Variants in DYNC1H1 observed in about 807,000 individuals in gnomAD.
The protein encoded by DYNC1H1 is cytoplasmic dynein 1 heavy chain 1.
In DYNC1H1, 51 loss-of-function variants were observed where a neutral mutation model predicts 527.1. That is an observed-to-expected ratio of 0.10 (90% CI 0.08 to 0.12). The LOEUF is 0.12. DYNC1H1 is among the 10% of genes least tolerant of loss of function. DYNC1H1 has a pLI of 1.00. For synonymous variants in DYNC1H1, 2,189 were observed against 2,278.8 expected (o/e 0.96, Z 1.12); for missense variants, 2,771 against 5,971.8 (o/e 0.46, Z 17.66).
At chr14:101,984,344 C>G (rs1392883619) in intron 7 of DYNC1H1, among the ~76,000 whole-genome samples, 1 of 141,116 alleles carries the variant, frequency 7.1e-6, no homozygotes, top group African/African-American at 2.7e-5. Context: ...TTTCTGTTGT[C>G]TTTAAGATCT....
Position 102,011,414 on chromosome 14 carries a change from C to T in DYNC1H1, c.6619-461C>T. ...ATGCTGTACGGGATTGAACACATAG[C>T]TCATCCATTGGGTCTCTTGTTGTCC... On this transcript the variant is annotated intron_variant, in intron 32 of 77. Transcript: ENST00000360184. The surrounding 1 kb of genome is among the most constrained non-coding windows in gnomAD (Gnocchi z 5.3). The T allele has an allele frequency of 5.8e-6, 2 of 344,284 alleles. No individual in the cohort carries two copies. The highest frequency in any genetic ancestry group is 4.7e-5 in the South Asian group (2 of 42,388). The allele number at this position is 344,284 out of a possible 1,614,324, so 21.3% of individuals were successfully genotyped here. A position where few individuals can be genotyped will look rare whatever the true frequency, so the allele number is the denominator to read the frequency against.
rs2048530285 is a variant in DYNC1H1 at position 102,033,208 on chromosome 14, G to A, written c.10197+26G>A. On this transcript the variant is annotated intron_variant, in intron 53 of 77. Transcript: ENST00000360184. This position sits in a 1 kb window ranked among gnomAD's most constrained non-coding sequence, Gnocchi z 5.6. Reference sequence around the variant, plus strand: ...GTGATTAACACAGCCAGGAGCTCCCGTGTGAAAGGTGACCTCTTTTCCTGT... The same window carrying A: ...GTGATTAACACAGCCAGGAGCTCCCATGTGAAAGGTGACCTCTTTTCCTGT... 1.9e-6 allele frequency: 3 copies of A among 1,614,126 alleles called. No homozygotes were observed. Among genetic ancestry groups the A allele is most frequent in the African/African-American group, 1.3e-5 (1 of 75,042 alleles).
intron 52 of DYNC1H1, 36 bp downstream of exon 52, chr14:102,032,503 T>C: frequency 6.2e-7 from 1 of 1,613,448 alleles, no homozygotes; most frequent in Non-Finnish European, 8.5e-7. Flanking sequence ...TTGCCAGAAA[T>C]TGAAATCAGT....
At chr14:101,999,082 A>C (rs1023698017) in intron 16 of DYNC1H1, among the ~76,000 whole-genome samples, 5 of 151,830 alleles carry the variant, frequency 3.3e-5, no homozygotes, top group East Asian at 3.9e-4. Context: ...CGGGGTTTCA[A>C]TGTGTTAGCC....
In DYNC1H1 at chr14:102,010,736, G is replaced by A. The variant is rs374602014; in HGVS notation, c.6406-4G>A. On this transcript the variant is annotated splice_polypyrimidine_tract_variant and splice_region_variant and intron_variant, in intron 31 of 77. Transcript: ENST00000360184. The surrounding 1 kb of genome is among the most constrained non-coding windows in gnomAD (Gnocchi z 6.0). Reference sequence around the variant, plus strand: ...CTGCTCACAGCCCAGCCCTCTCCCCGTAGATTCTGATACAGAGCGTCTGTG... The same window carrying A: ...CTGCTCACAGCCCAGCCCTCTCCCCATAGATTCTGATACAGAGCGTCTGTG... 8.7e-6 allele frequency: 14 copies of A among 1,612,396 alleles called. 1 individual carries two copies. Among genetic ancestry groups the A allele is most frequent in the South Asian group, 5.5e-5 (5 of 91,006 alleles).
rs1183216136 is a variant in DYNC1H1 at position 102,005,815 on chromosome 14, A to G, written c.5434-73A>G. On this transcript the variant is annotated intron_variant, in intron 26 of 77. Transcript: ENST00000360184. The surrounding 1 kb of genome is among the most constrained non-coding windows in gnomAD (Gnocchi z 4.0). Reference sequence around the variant, plus strand: ...CCTAGAACCTCAATTTCAGTTTAACAGTCCACAAACCCGGAGAATGCACTG... The same window carrying G: ...CCTAGAACCTCAATTTCAGTTTAACGGTCCACAAACCCGGAGAATGCACTG... The G allele has an allele frequency of 6.3e-7, 1 of 1,587,298 alleles. No homozygotes were observed. The highest frequency in any genetic ancestry group is 1.3e-5 in the African/African-American group (1 of 74,380).
rs758856538 is a variant in DYNC1H1, at chr14:102,041,525, T to C, written c.11942-49T>C. On this transcript the variant is annotated intron_variant, in intron 64 of 77. Transcript: ENST00000360184. This position sits in a 1 kb window ranked among gnomAD's most constrained non-coding sequence, Gnocchi z 4.5. ...AACAGTCCAGGCAGGGGAGGGCGTC[T>C]CTGAGTCCATGCTTCCACCCAGCAC... 1 of 1,612,466 alleles carries C rather than the reference T, an allele frequency of 6.2e-7. No individual in the cohort carries two copies. Among genetic ancestry groups the C allele is most frequent in the Non-Finnish European group, 8.5e-7 (1 of 1,179,888 alleles).
rs1191632999 is a variant in DYNC1H1 at position 101,986,813 on chromosome 14, T to C, written c.2538+50T>C. 7.5e-6 allele frequency: 12 copies of C among 1,600,888 alleles called. No homozygotes were observed. Among genetic ancestry groups the C allele is most frequent in the East Asian group, 2.2e-5 (1 of 44,816 alleles). On this transcript the variant is annotated intron_variant, in intron 8 of 77. Coordinates refer to ENST00000360184, the MANE Select transcript of DYNC1H1 (RefSeq NM_001376.5). This position sits in a 1 kb window ranked among gnomAD's most constrained non-coding sequence, Gnocchi z 8.7. ...TGTCCTGGTAACGAATGAAGCACAG[T>C]AATAGCGAGCTCAGTTAAAACACTA...
chr14:102,021,345 C>A (rs12881617), intron 42 of DYNC1H1, among the ~76,000 whole-genome samples: 22,574 of 152,160 alleles, frequency 0.15, 1,899 homozygotes, highest in East Asian at 0.24. Context: ...CCACTGCATT[C>A]CAGCCTGAGT....
chr14:102,008,145 T>C lies in DYNC1H1; in HGVS notation c.5818-33T>C, dbSNP rs764810716. The C allele has an allele frequency of 1.9e-6, 3 of 1,612,294 alleles. No homozygotes were observed. The South Asian group carries it at 3.3e-5, about 18-fold the overall frequency. On this transcript the variant is annotated intron_variant, in intron 28 of 77. Coordinates refer to ENST00000360184, the MANE Select transcript of DYNC1H1 (RefSeq NM_001376.5). ...GGGAGACAATTGAGGGCACAGCAGG[T>C]GGTTTTAGCGCCTTTCTTCCTCTCC...
chr14:102,034,302 A>T (rs764284570), intron 55 of DYNC1H1, 23 bp from the exon 56 acceptor site: 4 of 1,614,214 alleles, frequency 2.5e-6, no homozygotes, highest in Non-Finnish European at 3.4e-6. Flanking sequence ...AAGAGGAGGA[A>T]AGGTAACGGC....
intron 23 of DYNC1H1, among the ~76,000 whole-genome samples, 162 bp downstream of exon 23, chr14:102,003,127 T>C (rs1248392868): frequency 6.6e-6 from 1 of 152,224 alleles, no homozygotes; most frequent in African/African-American, 2.4e-5. Context: ...TTCCCTGTCA[T>C]GCAGTGATTA....
rs964307126 is a variant in DYNC1H1, at chr14:102,032,761, G to A, written c.10079+294G>A. 7 of 566,454 alleles carry A rather than the reference G, an allele frequency of 1.2e-5. No individual in the cohort carries two copies. The East Asian group carries it at 1.9e-4, about 15-fold the overall frequency. 35.1% of individuals were successfully genotyped at this position (566,454 alleles called of 1,614,324 possible). ...CTAGCTACTTGGGAGGCTGAGGTGG[G>A]AGGATTGCCTGAACCCAGGGGATCA... On this transcript the variant is annotated intron_variant, in intron 52 of 77. Coordinates refer to ENST00000360184, the MANE Select transcript of DYNC1H1 (RefSeq NM_001376.5).
rs2048530438 is a variant in DYNC1H1, at chr14:102,033,219, G to C, written c.10197+37G>C. 3 of 1,614,046 alleles carry C rather than the reference G, an allele frequency of 1.9e-6. No individual in the cohort carries two copies. The African/African-American group carries it at 4.0e-5, about 22-fold the overall frequency. ...AGCCAGGAGCTCCCGTGTGAAAGGTGACCTCTTTTCCTGTCACTTAAATAA... is the reference window on the plus strand; with the variant it reads ...AGCCAGGAGCTCCCGTGTGAAAGGTCACCTCTTTTCCTGTCACTTAAATAA... On this transcript the variant is annotated intron_variant, in intron 53 of 77. Transcript: ENST00000360184. This position sits in a 1 kb window ranked among gnomAD's most constrained non-coding sequence, Gnocchi z 5.6.
rs1482822972 is a variant in DYNC1H1 at position 101,989,429 on chromosome 14, G to A, written c.2868+577G>A. ...CTGTGCCTCCCGAGCCATCTCTTTC[G>A]CATTTGTGTGGAGCTTAGCAAGCTT... is the stretch of plus-strand genomic sequence containing the variant. On this transcript the variant is annotated intron_variant, in intron 10 of 77. Transcript: ENST00000360184. 4.6e-5 allele frequency among the ~76,000 whole-genome samples: 7 copies of A among 152,188 alleles called. No homozygotes were observed. In the East Asian group the frequency reaches 9.6e-4, roughly 21 times the overall value.
At chr14:101,998,952 G>T (rs908944987) in intron 16 of DYNC1H1, among the ~76,000 whole-genome samples, 1 of 135,160 alleles carries the variant, frequency 7.4e-6, no homozygotes, top group East Asian at 2.3e-4. Flanking sequence ...CGCAATCTCC[G>T]CTCACTGCAA....
intron 9 of DYNC1H1, among the ~76,000 whole-genome samples, chr14:101,988,324 G>A (rs1044458837): frequency 3.3e-5 from 5 of 152,106 alleles, no homozygotes; most frequent in Non-Finnish European, 7.4e-5. Context: ...GCCCCCACCC[G>A]TATCCCCGTA....
intron 28 of DYNC1H1, 100 bp from the exon 29 acceptor site, chr14:102,008,078 T>C (rs900592962): frequency 1.7e-5 from 26 of 1,553,212 alleles, no homozygotes; most frequent in Non-Finnish European, 2.3e-5. Context: ...ACAAACCCAC[T>C]AGGGTTAGGG....
chr14:102,017,361 T>C lies in DYNC1H1; in HGVS notation c.8056-22T>C. Reference sequence around the variant, plus strand: ...TCTTGTTCAAGTTTTGCTCTTAATGTGGTACCTGTCCCTTCCTTCAGATGG... The same window carrying C: ...TCTTGTTCAAGTTTTGCTCTTAATGCGGTACCTGTCCCTTCCTTCAGATGG... On this transcript the variant is annotated intron_variant, in intron 39 of 77. Transcript: ENST00000360184. This position sits in a 1 kb window ranked among gnomAD's most constrained non-coding sequence, Gnocchi z 4.6. 9.9e-6 allele frequency: 16 copies of C among 1,614,246 alleles called. No individual in the cohort carries two copies. Among genetic ancestry groups the C allele is most frequent in the Non-Finnish European group, 1.4e-5 (16 of 1,180,046 alleles).
Sources: gnomAD v4.1 joint callset for allele counts (sites outside exome capture counted in the v4.1 genomes callset) on GRCh38, gnomAD v4.1.1 for gene constraint, Gnocchi (gnomAD v3.1) non-coding constraint, MANE v1.5 for transcripts, NCBI Gene and HGNC (gene_info 2026-07-23, HGNC 2026-07-21) for gene names.